The following FAM110A variants were observed in gnomAD, a reference collection of about 807,000 sequenced individuals.
The protein encoded by FAM110A is protein FAM110A.
Under a neutral mutation model 4.0 loss-of-function variants are expected in FAM110A, and 1 was observed. That is an observed-to-expected ratio of 0.25 (90% CI 0.09 to 1.20). The LOEUF (loss-of-function observed/expected upper bound fraction) is 1.20, where lower values mean the gene tolerates loss of function less well. FAM110A is among the 50% of genes most tolerant of loss of function. FAM110A has a pLI of 0.50. For missense variants in FAM110A, 436 were observed against 429.2 expected, an observed-to-expected ratio of 1.02 and a Z score of -0.14; for synonymous variants, 217 against 196.8, an observed-to-expected ratio of 1.10 and a Z score of -0.86.
At chr20:839,521 C>G (rs1404718861) in intron 1 of FAM110A, 1 of 1,028,048 alleles carries the variant, frequency 9.7e-7, no homozygotes, top group Non-Finnish European at 1.5e-6. Flanking sequence ...CCAGCCCCAG[C>G]CTCGGCTTTC....
intron 1 of FAM110A, chr20:836,053 A>G (rs1158700815): frequency 6.6e-6 from 1 of 152,254 alleles, no homozygotes; most frequent in Non-Finnish European, 1.5e-5. Context: ...TTGAGCATTT[A>G]CTATGTTCTA....
At chr20:843,799 G>T (rs1980079952) in intron 1 of FAM110A, among the ~76,000 whole-genome samples, 1 of 152,222 alleles carries the variant, frequency 6.6e-6, no homozygotes, top group African/African-American at 2.4e-5. Flanking sequence ...TGTGCATCCA[G>T]GTGTATGCCC....
Position 843,802 on chromosome 20 carries a change from G to A in FAM110A, c.-97-906G>A, listed in dbSNP as rs796642934. On this transcript the variant is annotated intron_variant, in intron 1 of 1. Coordinates refer to ENST00000381941, the MANE Select transcript of FAM110A (RefSeq NM_001042353.3). ...CACGTAGACACTTGTGCATCCAGGT[G>A]TATGCCCTCCTCCCAGGTGAGTACC... 1.1e-4 allele frequency among the ~76,000 whole-genome samples: 16 copies of A among 152,380 alleles called. 1 individual carries two copies. The highest frequency in any genetic ancestry group is 3.8e-4 in the African/African-American group (16 of 41,588).
chr20:845,084 C>T lies in FAM110A; in HGVS notation c.280C>T (p.Pro94Ser), dbSNP rs1368889156. The T allele has an allele frequency of 4.4e-6, 7 of 1,597,166 alleles. No homozygotes were observed. The South Asian group carries it at 6.8e-5, about 15-fold the overall frequency. ...GCTCACGCCCAGCCGCCGAGCCCTG[C>T]CTGGCCCCTGCCGACGGCCCCAGCT... Reference protein sequence around the residue: ...TVLTPSRRALPGPCRRPQLDL... With the variant: ...TVLTPSRRALSGPCRRPQLDL... The change falls in exon 2 of 2, where the codon CCT (proline) becomes TCT (serine). Residue 94 changes from proline to serine, a missense_variant. Transcript: ENST00000381941.
chr20:834,644 T>C lies in FAM110A; in HGVS notation c.-98+693T>C, dbSNP rs1303206948. On this transcript the variant is annotated intron_variant, in intron 1 of 1. Coordinates refer to ENST00000381941, the MANE Select transcript of FAM110A (RefSeq NM_001042353.3). This position sits in a 1 kb window ranked among gnomAD's most constrained non-coding sequence, Gnocchi z 5.6. ...ACACCCCCTGCCCCCTAGGTTGCTATTGTCAGTCTCCTTTTGTAGGTGGGG... is the reference window on the plus strand; with the variant it reads ...ACACCCCCTGCCCCCTAGGTTGCTACTGTCAGTCTCCTTTTGTAGGTGGGG... Among the ~76,000 whole-genome samples, 1 of 152,200 alleles carries C rather than the reference T, an allele frequency of 6.6e-6. No homozygotes were observed. The highest frequency in any genetic ancestry group is 1.5e-5 in the Non-Finnish European group (1 of 68,026).
At chr20:842,363 C>T (rs888412923) in intron 1 of FAM110A, among the ~76,000 whole-genome samples, 9 of 152,212 alleles carry the variant, frequency 5.9e-5, no homozygotes, top group African/African-American at 2.2e-4. Context: ...CCCGTCTGAC[C>T]TCCTTCTCCC....
In FAM110A at chr20:846,033, A is replaced by G. The variant is rs560919994; in HGVS notation, c.*341A>G. 48 of 297,812 alleles carry G rather than the reference A, an allele frequency of 1.6e-4. 1 individual carries two copies. The South Asian group carries it at 1.9e-3, about 12-fold the overall frequency. 18.4% of individuals were successfully genotyped at this position (297,812 alleles called of 1,614,324 possible). A position where few individuals can be genotyped will look rare whatever the true frequency, so the allele number is the denominator to read the frequency against. On this transcript the variant is annotated 3_prime_UTR_variant, in exon 2 of 2. Coordinates refer to ENST00000381941, the MANE Select transcript of FAM110A (RefSeq NM_001042353.3). ...AGTGAGGGGCCAAGGGATCTCCTCA[A>G]TCCTGTCTCCCCAGCGGCTCTGTTT...
Position 845,537 on chromosome 20 carries a change from G to T in FAM110A, c.733G>T (p.Glu245Ter). 1 of 1,612,956 alleles carries T rather than the reference G, an allele frequency of 6.2e-7. No individual in the cohort carries two copies. Among genetic ancestry groups the T allele is most frequent in the Non-Finnish European group, 8.5e-7 (1 of 1,179,642 alleles). The change falls in exon 2 of 2, where the codon GAA (glutamate) becomes TAA (stop). Residue 245 changes from glutamate (E) to a stop codon, truncating the protein, a stop_gained. Transcript: ENST00000381941. LOFTEE classifies it low-confidence loss of function (END_TRUNC). ...GCCCAGTGCTGGGCCGGGCAGCTCTGAAGGGGGCTGCTCCCGCCGCAGCTC... is the reference window on the plus strand; with the variant it reads ...GCCCAGTGCTGGGCCGGGCAGCTCTTAAGGGGGCTGCTCCCGCCGCAGCTC... ...AGPSAGPGSS[E>*]GGCSRRSSVT...
chr20:835,188 C>T (rs866955374), intron 1 of FAM110A, among the ~76,000 whole-genome samples: 1 of 128,632 alleles, frequency 7.8e-6, no homozygotes, highest in Non-Finnish European at 1.7e-5. Context: ...CTCTCTCTCT[C>T]TCTCTCTCTC....
intron 1 of FAM110A, chr20:841,365 C>G (rs2122679474): frequency 6.6e-6 from 1 of 152,602 alleles, no homozygotes; most frequent in East Asian, 1.9e-4. Flanking sequence ...AGGGGGCGGC[C>G]CGAGCACCCC....
rs1372849599 is a variant in FAM110A, at chr20:845,481, G to C, written c.677G>C (p.Arg226Pro). 1 of 1,612,814 alleles carries C rather than the reference G, an allele frequency of 6.2e-7. No homozygotes were observed. Among genetic ancestry groups the C allele is most frequent in the Non-Finnish European group, 8.5e-7 (1 of 1,179,456 alleles). Reference sequence around the variant, plus strand: ...GGGTTGGGTGTGGCCCACCTGGCACGGGCCAGCTCGGATATCGTGTCCCTG... The same window carrying C: ...GGGTTGGGTGTGGCCCACCTGGCACCGGCCAGCTCGGATATCGTGTCCCTG... ...ARGLGVAHLA[R>P]ASSDIVSLAG... The change falls in exon 2 of 2, where the codon CGG becomes CCG. Residue 226 changes from arginine to proline, a missense_variant. By Grantham distance (103) the Arg-to-Pro change is moderately radical (BLOSUM62 -2). Transcript: ENST00000381941.
At chr20:844,615 A>ATAGGGAGGGCGTCT (rs1980145913) in intron 1 of FAM110A, 93 bp from the exon 2 acceptor site, 1 of 874,070 alleles carries the variant, frequency 1.1e-6, no homozygotes, top group East Asian at 3.2e-5. Context: ...CTACCTTATA[A>ATAGGGAGGGCGTCT]TAGGGAGGGC....
At position 844,951 on chromosome 20, in the gene FAM110A, C is replaced by G; in HGVS notation, c.147C>G (p.Asp49Glu). 6.3e-7 allele frequency: 1 copy of G among 1,591,588 alleles called. No individual in the cohort carries two copies. The highest frequency in any genetic ancestry group is 8.5e-7 in the Non-Finnish European group (1 of 1,169,918). ...GCGCTGTGGAGCGCCTGGAGGCCGA[C>G]AAGGCCAAGTACGTCAAGAGCCTGC... ...KPSAVERLEA[D>E]KAKYVKSLHV... Residue 49 changes from aspartate to glutamate, a missense_variant, in exon 2 of 2, where the codon GAC (aspartate) becomes GAG (glutamate). Physicochemically the swap from Asp to Glu is conservative, Grantham distance 45. Coordinates refer to ENST00000381941, the MANE Select transcript of FAM110A (RefSeq NM_001042353.3).
Position 844,831 on chromosome 20 carries a change from A to G in FAM110A, c.27A>G (p.Gly9=). The change falls in exon 2 of 2, where the codon GGA becomes GGG. Residue 9 remains glycine (G), a synonymous_variant. Transcript: ENST00000381941. MPVHTLSP[G]APSAPALPCR... is the part of the protein sequence containing the mutation. ...TGCCTGTGCACACGCTGAGCCCCGG[A>G]GCCCCGTCCGCCCCCGCCCTACCTT... 1 of 1,512,962 alleles carries G rather than the reference A, an allele frequency of 6.6e-7. No individual in the cohort carries two copies. Among genetic ancestry groups the G allele is most frequent in the Non-Finnish European group, 8.8e-7 (1 of 1,131,222 alleles). The allele number at this position is 1,512,962 out of a possible 1,614,324, so 93.7% of individuals were successfully genotyped here.
intron 1 of FAM110A, among the ~76,000 whole-genome samples, chr20:843,519 A>T (rs1033076420): frequency 6.6e-6 from 1 of 152,256 alleles, no homozygotes; most frequent in Non-Finnish European, 1.5e-5. Flanking sequence ...TTGAATAGCC[A>T]CATGTGGCTG....
At chr20:844,448 CGCCCAGG>C (rs200978556) in intron 1 of FAM110A, among the ~76,000 whole-genome samples, 1 of 1,504 alleles carries the variant, frequency 6.6e-4, no homozygotes, top group Non-Finnish European at 1.9e-3. Flanking sequence ...TTGCCCAGGT[CGCCCAGG>C]TCTTTTTTCT....
intron 1 of FAM110A, 40 bp from the exon 2 acceptor site, chr20:844,668 C>A: frequency 7.8e-7 from 1 of 1,283,286 alleles, no homozygotes; most frequent in Non-Finnish European, 1.0e-6. Context: ...TGTCTGAGCG[C>A]GCTCGGCTTT....
In FAM110A at chr20:845,081, C is replaced by A; in HGVS notation, c.277C>A (p.Leu93Met). ...AGTGCTCACGCCCAGCCGCCGAGCC[C>A]TGCCTGGCCCCTGCCGACGGCCCCA... ...RTVLTPSRRALPGPCRRPQLD... is the reference protein window; with the variant it reads ...RTVLTPSRRAMPGPCRRPQLD... Residue 93 changes from leucine to methionine, a missense_variant, in exon 2 of 2, where the codon CTG becomes ATG. Coordinates refer to ENST00000381941, the MANE Select transcript of FAM110A (RefSeq NM_001042353.3). 6.3e-7 allele frequency: 1 copy of A among 1,597,288 alleles called. No homozygotes were observed. The highest frequency in any genetic ancestry group is 8.5e-7 in the Non-Finnish European group (1 of 1,173,270).
intron 1 of FAM110A, among the ~76,000 whole-genome samples, chr20:843,782 A>G (rs2122691594): frequency 6.6e-6 from 1 of 152,298 alleles, no homozygotes; most frequent in Admixed American, 6.5e-5. Context: ...GTGACCACGT[A>G]GACACTTGTG....
Sources: gnomAD v4.1 joint callset for allele counts (sites outside exome capture counted in the v4.1 genomes callset) on GRCh38, gnomAD v4.1.1 for gene constraint, Gnocchi (gnomAD v3.1) non-coding constraint, MANE v1.5 for transcripts, NCBI Gene and HGNC (gene_info 2026-07-23, HGNC 2026-07-21) for gene names.